PCDHA4: variants seen among roughly 807,000 people sequenced by gnomAD.
PCDHA4 encodes the protein protocadherin alpha-4.
Under a neutral mutation model 61.4 loss-of-function variants are expected in PCDHA4, and 49 were observed. That is an observed-to-expected ratio of 0.80 (90% confidence interval 0.63 to 1.01). PCDHA4 has a LOEUF of 1.01. Ranked by LOEUF, PCDHA4 falls within the 50% of genes least tolerant of loss-of-function variation. The probability of loss-of-function intolerance (pLI) is 0.00; values close to 1 mark genes in which losing one functional copy is unlikely to be tolerated. For missense variants in PCDHA4, 1,254 were observed against 1,235.8 expected, an observed-to-expected ratio of 1.01 and a Z score of -0.22; for synonymous variants, 590 against 550.3, an observed-to-expected ratio of 1.07 and a Z score of -1.01.
chr5:140,882,813 C>T lies in PCDHA4; in HGVS notation c.2385+73241C>T, dbSNP rs782169035. On this transcript the variant is annotated intron_variant, in intron 1 of 3. Transcript: ENST00000530339. ...CCCAACGATTATTTCACTTTGGACG[C>T]ACAAAACAGTCTTGAGCAAATGTCT... 4 of 1,614,176 alleles carry T rather than the reference C, an allele frequency of 2.5e-6. No individual in the cohort carries two copies. The East Asian group carries it at 6.7e-5, about 27-fold the overall frequency.
chr5:140,905,995 G>C (rs2072280853), intron 1 of PCDHA4, among the ~76,000 whole-genome samples: 1 of 152,114 alleles, frequency 6.6e-6, no homozygotes. Context: ...ATGTAGGCTG[G>C]GAGGCTAAGC....
chr5:140,962,216 G>C (rs554182128), intron 1 of PCDHA4, among the ~76,000 whole-genome samples: 2 of 152,170 alleles, frequency 1.3e-5, no homozygotes, highest in African/African-American at 4.8e-5. Context: ...TATTGATCTT[G>C]AGGTTCAAGT....
intron 1 of PCDHA4, chr5:140,864,197 G>A (rs2048362384): frequency 6.6e-6 from 1 of 152,118 alleles, no homozygotes; most frequent in Non-Finnish European, 1.5e-5. Context: ...ATCCTTATGA[G>A]AAGGTCAAAT....
rs563652109 is a variant in PCDHA4 at position 140,884,316 on chromosome 5, C to G, written c.2385+74744C>G. 26 of 1,613,752 alleles carry G rather than the reference C, an allele frequency of 1.6e-5. 2 individuals carry two copies. The South Asian group carries it at 2.5e-4, about 16-fold the overall frequency. On this transcript the variant is annotated intron_variant, in intron 1 of 3. Transcript: ENST00000530339. ...GCGCCACAGGCTTCGTCGAGGGCGT[C>G]GGCAGGCGCTGTGGGTCCAGAAGCG...
chr5:140,927,040 A>T (rs1554203950), intron 1 of PCDHA4: 1 of 1,612,350 alleles, frequency 6.2e-7, no homozygotes, highest in Non-Finnish European at 8.5e-7. Flanking sequence ...AGCGGCCGCT[A>T]TGTCCTCGCG....
At chr5:140,946,574 G>C (rs246054) in intron 1 of PCDHA4, among the ~76,000 whole-genome samples, 17 of 145,538 alleles carry the variant, frequency 1.2e-4, no homozygotes, top group African/African-American at 4.5e-4. Flanking sequence ...AATCAACTTA[G>C]GTGTTCATAG....
At position 140,807,083 on chromosome 5, in the gene PCDHA4, A is replaced by G; in HGVS notation, c.-105A>G. ...GGAAGGAACCATATACACTCTTTGG[A>G]GTCTGAAATATGGAGGATGCAGCTG... On this transcript the variant is annotated 5_prime_UTR_variant, in exon 1 of 4. Coordinates refer to ENST00000530339, the MANE Select transcript of PCDHA4 (RefSeq NM_018907.4). 2 of 1,274,064 alleles carry G rather than the reference A, an allele frequency of 1.6e-6. No homozygotes were observed. The highest frequency in any genetic ancestry group is 2.2e-5 in the Admixed American group (1 of 46,120). 78.9% of individuals were successfully genotyped at this position (1,274,064 alleles called of 1,614,324 possible).
chr5:140,869,233 T>G (rs782097851), intron 1 of PCDHA4: 7 of 1,613,700 alleles, frequency 4.3e-6, no homozygotes, highest in Non-Finnish European at 5.9e-6. Context: ...ACACGGCACC[T>G]TCGTGGGCCG....
At chr5:140,967,936 T>G in intron 1 of PCDHA4, 1 of 1,614,226 alleles carries the variant, frequency 6.2e-7, no homozygotes, top group Non-Finnish European at 8.5e-7. Flanking sequence ...TCAGTGTCAA[T>G]GACCAAGACT....
At chr5:140,830,378 G>A in intron 1 of PCDHA4, 1 of 1,614,122 alleles carries the variant, frequency 6.2e-7, no homozygotes, top group Non-Finnish European at 8.5e-7. Context: ...CTCCGGGGAG[G>A]GCCCACCCAA....
At chr5:140,999,666 G>A (rs185222092) in intron 3 of PCDHA4, among the ~76,000 whole-genome samples, 194 of 152,216 alleles carry the variant, frequency 1.3e-3, no homozygotes, top group African/African-American at 4.4e-3. Flanking sequence ...GCTGGGTTGC[G>A]GGGGGCTCAC....
At chr5:140,850,107 C>T (rs2150467518) in intron 1 of PCDHA4, 8 of 1,596,052 alleles carry the variant, frequency 5.0e-6, no homozygotes, top group South Asian at 1.1e-5. Context: ...GGTGAGCGCG[C>T]GCGACGCGGG....
At chr5:140,841,732 C>A (rs1554138500) in intron 1 of PCDHA4, 4 of 1,613,740 alleles carry the variant, frequency 2.5e-6, no homozygotes, top group Non-Finnish European at 2.5e-6. Flanking sequence ...GGGTAAAAGA[C>A]CAAAAGCTGT....
chr5:141,010,455 T>G lies in PCDHA4; in HGVS notation c.*518T>G. The stretch of plus-strand genomic sequence containing the variant: ...AACAAAGACAAATAAACAGCGGAAG[T>G]TATCAGTATGGAGGGGAAGTGTAAA... On this transcript the variant is annotated 3_prime_UTR_variant, in exon 4 of 4. Transcript: ENST00000530339. 1 of 883,470 alleles carries G rather than the reference T, an allele frequency of 1.1e-6. No homozygotes were observed. Among genetic ancestry groups the G allele is most frequent in the South Asian group, 1.9e-5 (1 of 53,228 alleles). 54.7% of individuals were successfully genotyped at this position (883,470 alleles called of 1,614,324 possible). A position where few individuals can be genotyped will look rare whatever the true frequency, so the allele number is the denominator to read the frequency against.
intron 1 of PCDHA4, chr5:140,848,980 T>C (rs1554142681): frequency 1.9e-6 from 3 of 1,599,772 alleles, no homozygotes; most frequent in Non-Finnish European, 1.7e-6. Flanking sequence ...GATGCAGATA[T>C]CGGGGAGAAC....
chr5:140,938,261 A>G (rs1325957872), intron 1 of PCDHA4, among the ~76,000 whole-genome samples: 2 of 152,182 alleles, frequency 1.3e-5, no homozygotes, highest in Non-Finnish European at 2.9e-5. Flanking sequence ...AAAACTTTCT[A>G]ATCACATAGT....
intron 3 of PCDHA4, among the ~76,000 whole-genome samples, chr5:140,992,799 A>T (rs577698123): frequency 6.6e-6 from 1 of 152,274 alleles, no homozygotes; most frequent in African/African-American, 2.4e-5. Flanking sequence ...TTATGGATCC[A>T]TATGTATCTA....
intron 1 of PCDHA4, chr5:140,927,577 A>T: frequency 6.2e-7 from 1 of 1,614,170 alleles, no homozygotes; most frequent in Non-Finnish European, 8.5e-7. Flanking sequence ...CACAAATGAC[A>T]ACGCGCCTGT....
rs538891766 is a variant in PCDHA4 at position 140,931,784 on chromosome 5, A to G, written c.2386-47165A>G. The stretch of plus-strand genomic sequence containing the variant: ...TTTACTTCTTCCTGTTCAATTACCT[A>G]TTGATCTGATCTTAATTCTTTAGAA... On this transcript the variant is annotated intron_variant, in intron 1 of 3. Transcript: ENST00000530339. Among the ~76,000 whole-genome samples, 13 of 152,080 alleles carry G rather than the reference A, an allele frequency of 8.5e-5. No homozygotes were observed. In the East Asian group the frequency reaches 1.9e-3, roughly 23 times the overall value.
Sources: allele counts gnomAD v4.1 joint callset (sites outside exome capture counted in the v4.1 genomes callset), GRCh38; gene constraint gnomAD v4.1.1; transcripts MANE v1.5; gene names NCBI Gene and HGNC (gene_info 2026-07-23, HGNC 2026-07-21).